Variants in PIK3R1 observed in about 807,000 individuals in gnomAD.
PIK3R1 encodes phosphoinositide-3-kinase regulatory subunit 1.
PIK3R1 carries 29 observed loss-of-function variants against 98.0 expected under a neutral mutation model. The observed-to-expected ratio is 0.30, with a 90% CI of 0.22 to 0.40. PIK3R1 has a LOEUF of 0.40. Among genes scored for constraint, PIK3R1 ranks in the 10% least tolerant of loss-of-function variants. The pLI is 1.00. For synonymous variants in PIK3R1, 282 were observed against 311.8 expected (o/e 0.90, Z 1.01); for missense variants, 596 against 872.7 (o/e 0.68, Z 3.99).
At position 68,294,523 on chromosome 5, in the gene PIK3R1, A is replaced by T; in HGVS notation, c.1426-13A>T. On this transcript the variant is annotated splice_polypyrimidine_tract_variant and intron_variant, in intron 11 of 15. Transcript: ENST00000521381. Reference sequence around the variant, plus strand: ...GAAAGGTATGACATTATCTTTTTAAAATTATGTTGCAGGAAATCCAAATGA... The same window carrying T: ...GAAAGGTATGACATTATCTTTTTAATATTATGTTGCAGGAAATCCAAATGA... The T allele has an allele frequency of 6.3e-7, 1 of 1,589,638 alleles. No individual in the cohort carries two copies. Among genetic ancestry groups the T allele is most frequent in the East Asian group, 2.2e-5 (1 of 44,598 alleles).
intron 2 of PIK3R1, among the ~76,000 whole-genome samples, chr5:68,269,728 A>T (rs529790890): frequency 6.6e-6 from 1 of 152,210 alleles, no homozygotes; most frequent in Non-Finnish European, 1.5e-5. Flanking sequence ...TAGACTTTCA[A>T]TGCTAATTGA....
intron 2 of PIK3R1, among the ~76,000 whole-genome samples, chr5:68,261,853 A>G (rs1300221305): frequency 2.6e-5 from 4 of 152,220 alleles, no homozygotes; most frequent in African/African-American, 7.2e-5. Flanking sequence ...TGATAGAACA[A>G]AATGTACAAA....
chr5:68,273,496 T>C lies in PIK3R1; in HGVS notation c.427+14T>C. On this transcript the variant is annotated intron_variant, in intron 3 of 15. Coordinates refer to ENST00000521381, the MANE Select transcript of PIK3R1 (RefSeq NM_181523.3). ...TTGAAAAGAAAGGTAACCAGACTGC[T>C]AGAGGGCATCAGTTCCTTTGTTCTA... The C allele has an allele frequency of 6.3e-7, 1 of 1,596,460 alleles. No homozygotes were observed.
At chr5:68,277,102 CA>C (rs1218608874) in intron 4 of PIK3R1, among the ~76,000 whole-genome samples, 2 of 152,176 alleles carry the variant, frequency 1.3e-5, no homozygotes, top group African/African-American at 4.8e-5. Context: ...ACTGCATCAC[CA>C]AATGTTTTAT....
chr5:68,221,149 A>G (rs376233632), intron 1 of PIK3R1, among the ~76,000 whole-genome samples: 3 of 152,252 alleles, frequency 2.0e-5, no homozygotes, highest in African/African-American at 4.8e-5. Context: ...TGCTAGTGCC[A>G]TGCTCTTGGA....
intron 2 of PIK3R1, among the ~76,000 whole-genome samples, chr5:68,267,759 A>G (rs1224729760): frequency 1.5e-5 from 2 of 131,446 alleles, no homozygotes; most frequent in African/African-American, 7.1e-5. Context: ...TATCTCAAAT[A>G]TATTAGTATT....
intron 3 of PIK3R1, 132 bp downstream of exon 3, chr5:68,273,614 C>CA: frequency 1.3e-6 from 1 of 791,876 alleles, no homozygotes; most frequent in South Asian, 1.5e-5. Context: ...GCTGGACACT[C>CA]AAACTGTTTG....
intron 2 of PIK3R1, among the ~76,000 whole-genome samples, chr5:68,239,471 T>A (rs1744792009): frequency 6.6e-6 from 1 of 152,202 alleles, no homozygotes; most frequent in African/African-American, 2.4e-5. Flanking sequence ...GCATTATTTT[T>A]CAGGTACTGC....
rs1481678717 is a variant in PIK3R1, at chr5:68,280,816, A to C, written c.836+87A>C. On this transcript the variant is annotated intron_variant, in intron 6 of 15. Transcript: ENST00000521381. ...CATGAAAATGTATTCTGAATATACT[A>C]CTCCAGAGATGCATGTGCAGATGCT... 3.9e-6 allele frequency: 5 copies of C among 1,275,182 alleles called. No homozygotes were observed. In the African/African-American group the frequency reaches 7.4e-5, roughly 19 times the overall value. The allele number at this position is 1,275,182 out of a possible 1,614,324, so 79.0% of individuals were successfully genotyped here.
At position 68,298,452 on chromosome 5, in the gene PIK3R1, T is replaced by C. The variant is rs940797456; in HGVS notation, c.*851T>C. The C allele has an allele frequency of 8.6e-6, 2 of 233,384 alleles. No homozygotes were observed. The highest frequency in any genetic ancestry group is 1.7e-5 in the Non-Finnish European group (2 of 117,890). The allele number at this position is 233,384 out of a possible 1,614,324, so 14.5% of individuals were successfully genotyped here. On this transcript the variant is annotated 3_prime_UTR_variant, in exon 16 of 16. Coordinates refer to ENST00000521381, the MANE Select transcript of PIK3R1 (RefSeq NM_181523.3). ...TAAGTTGTTATTTCAGTTTTAAATG[T>C]ACCTTCAGAATAAGCTTCCCCACCC...
intron 2 of PIK3R1, among the ~76,000 whole-genome samples, chr5:68,262,404 ACACACACG>A (rs1745797705): frequency 1.6e-5 from 1 of 63,834 alleles, no homozygotes; most frequent in African/African-American, 1.3e-4. Flanking sequence ...ATATATATAT[ACACACACG>A]CACACACACA....
At chr5:68,236,468 C>G (rs921231243) in intron 2 of PIK3R1, among the ~76,000 whole-genome samples, 36 of 151,882 alleles carry the variant, frequency 2.4e-4, no homozygotes, top group African/African-American at 7.7e-4. Flanking sequence ...CCAGGATGGT[C>G]TCGATCTCTT....
In PIK3R1 at chr5:68,279,665, A is replaced by G. The variant is rs1237204595; in HGVS notation, c.566A>G (p.Tyr189Cys). ...GTTTTGGCTGACGCTTTCAAACGCT[A>G]TCTCCTGGACTTACCAAATCCTGTC... is the stretch of plus-strand genomic sequence containing the variant. ...VHVLADAFKR[Y>C]LLDLPNPVIP... is the part of the protein sequence containing the mutation. Residue 189 changes from tyrosine (Y) to cysteine (C), a missense_variant, in exon 5 of 16, where the codon TAT becomes TGT. Physicochemically the swap from Tyr to Cys is radical, Grantham distance 194 (BLOSUM62 -2). Transcript: ENST00000521381. 1 of 1,614,050 alleles carries G rather than the reference A, an allele frequency of 6.2e-7. No homozygotes were observed. Among genetic ancestry groups the G allele is most frequent in the Non-Finnish European group, 8.5e-7 (1 of 1,179,908 alleles).
chr5:68,288,478 G>A, intron 7 of PIK3R1: 3 of 1,305,532 alleles, frequency 2.3e-6, no homozygotes, highest in Non-Finnish European at 2.9e-6. Context: ...GCGGTGGCCC[G>A]GACGCACTGC....
intron 2 of PIK3R1, among the ~76,000 whole-genome samples, chr5:68,246,304 G>C (rs1313863609): frequency 1.4e-5 from 2 of 141,206 alleles, no homozygotes; most frequent in Admixed American, 7.1e-5. Flanking sequence ...TTGTCCACTT[G>C]GTGTGTATAT....
At chr5:68,246,768 C>G (rs751263751) in intron 2 of PIK3R1, among the ~76,000 whole-genome samples, 2 of 152,192 alleles carry the variant, frequency 1.3e-5, no homozygotes, top group Non-Finnish European at 2.9e-5. Flanking sequence ...GGACTGCAGG[C>G]GCCTGCCACC....
intron 4 of PIK3R1, among the ~76,000 whole-genome samples, chr5:68,277,603 G>C (rs2112180870): frequency 6.6e-6 from 1 of 152,160 alleles, no homozygotes. Flanking sequence ...GTAGTCTTAG[G>C]CTCAACCTAG....
chr5:68,275,842 T>C (rs1417955321), intron 4 of PIK3R1, among the ~76,000 whole-genome samples: 2 of 152,048 alleles, frequency 1.3e-5, no homozygotes, highest in Non-Finnish European at 2.9e-5. Flanking sequence ...AAAAAAAAAT[T>C]ATGGCTTTTA....
intron 2 of PIK3R1, among the ~76,000 whole-genome samples, chr5:68,266,631 G>C (rs751364791): frequency 6.6e-5 from 10 of 152,184 alleles, no homozygotes; most frequent in Admixed American, 2.6e-4. Context: ...ACCTTTTAAA[G>C]AAGGGAGGCT....
Sources: gnomAD v4.1 joint callset for allele counts (sites outside exome capture counted in the v4.1 genomes callset) on GRCh38, gnomAD v4.1.1 for gene constraint, MANE v1.5 for transcripts, NCBI Gene and HGNC (gene_info 2026-07-23, HGNC 2026-07-21) for gene names.